The following ZNF69 variants were observed in gnomAD, a reference collection of about 807,000 sequenced individuals.
ZNF69 encodes the protein zinc finger protein 69.
Under a neutral mutation model 50.9 loss-of-function variants are expected in ZNF69, and 47 were observed. The observed-to-expected ratio is 0.92, with a 90% confidence interval of 0.73 to 1.18. The LOEUF (loss-of-function observed/expected upper bound fraction) is 1.18, where lower values mean the gene tolerates loss of function less well. Ranked by LOEUF, ZNF69 falls within the 50% of genes most tolerant of loss-of-function variation. ZNF69 has a pLI of 0.00. For missense variants in ZNF69, 717 were observed against 675.1 expected, an observed-to-expected ratio of 1.06 and a Z score of -0.69; for synonymous variants, 216 against 223.1, an observed-to-expected ratio of 0.97 and a Z score of 0.29.
chr19:11,967,961 T>C, the ZNF69 span, among the ~76,000 whole-genome samples: 2 of 152,184 alleles, frequency 1.3e-5, no homozygotes, highest in Non-Finnish European at 2.9e-5. Flanking sequence ...ATAACTATAA[T>C]TATCTTGAAA....
intron 1 of ZNF69, among the ~76,000 whole-genome samples, chr19:11,895,771 C>T: frequency 1.3e-5 from 2 of 152,256 alleles, no homozygotes; most frequent in South Asian, 4.1e-4. Flanking sequence ...AGAGGCAACT[C>T]TAGAATTAAT....
chr19:11,931,582 T>C, the ZNF69 span, among the ~76,000 whole-genome samples: 2 of 148,172 alleles, frequency 1.3e-5, no homozygotes, highest in South Asian at 2.1e-4. Flanking sequence ...ATTTCAGTCT[T>C]TAGAAGTACC....
At chr19:11,924,079 G>A in the ZNF69 span, among the ~76,000 whole-genome samples, 53 of 152,270 alleles carry the variant, frequency 3.5e-4, no homozygotes, top group Middle Eastern at 3.4e-3. Context: ...CTGTCTTCTG[G>A]GCAGGGTTTG....
chr19:11,931,251 A>G, the ZNF69 span, among the ~76,000 whole-genome samples: 1 of 148,012 alleles, frequency 6.8e-6, no homozygotes, highest in Admixed American at 6.6e-5. Flanking sequence ...CCATCTTCAG[A>G]GAGCTGGCAG....
chr19:11,979,232 C>G, the ZNF69 span: 939 of 1,612,152 alleles, frequency 5.8e-4, no homozygotes, highest in Non-Finnish European at 7.3e-4. Flanking sequence ...CTTTCCAGTT[C>G]CTTTCAGTAT....
downstream of ZNF69, among the ~76,000 whole-genome samples, chr19:11,906,743 A>T (rs141039381): frequency 0.015 from 2,311 of 152,370 alleles, 28 homozygotes; most frequent in Non-Finnish European, 0.025. Flanking sequence ...AGAAAAGCTG[A>T]AAATTCTAAA....
chr19:11,968,853 A>T, the ZNF69 span, among the ~76,000 whole-genome samples: 1 of 152,128 alleles, frequency 6.6e-6, no homozygotes, highest in African/African-American at 2.4e-5. Flanking sequence ...ACCCCATCTC[A>T]ATTGTGAAAA....
chr19:11,925,337 G>A, the ZNF69 span: 8 of 1,595,212 alleles, frequency 5.0e-6, no homozygotes, highest in Non-Finnish European at 6.8e-6. Flanking sequence ...GCGGGAACCG[G>A]CTGTGGCGGG....
At chr19:11,962,359 A>C in the ZNF69 span, among the ~76,000 whole-genome samples, 1 of 152,196 alleles carries the variant, frequency 6.6e-6, no homozygotes, top group African/African-American at 2.4e-5. Flanking sequence ...TACTGCCAGC[A>C]CTTGTTCAAT....
the ZNF69 span, among the ~76,000 whole-genome samples, chr19:11,963,775 C>G: frequency 6.6e-6 from 1 of 152,120 alleles, no homozygotes; most frequent in Non-Finnish European, 1.5e-5. Context: ...GGCCCTAGAT[C>G]CGCGCTGCTG....
At chr19:11,965,094 C>T in the ZNF69 span, 1 of 1,415,998 alleles carries the variant, frequency 7.1e-7, no homozygotes, top group Non-Finnish European at 9.9e-7. Flanking sequence ...TGTATCCATC[C>T]CCGAGAGGGA....
downstream of ZNF69, among the ~76,000 whole-genome samples, chr19:11,917,635 A>ATTTGTTTGTTTG (rs113207777): frequency 0.27 from 40,983 of 151,070 alleles, 6,172 homozygotes; most frequent in African/African-American, 0.38. Context: ...GAATTTATTT[A>ATTTGTTTGTTTG]TTTGTTTGTT....
chr19:11,905,419 T>A lies in ZNF69; in HGVS notation c.1022T>A (p.Leu341Ter). Residue 341 changes from leucine (L) to a stop codon, truncating the protein, a stop_gained, in exon 4 of 4, where the codon TTA becomes TAA. Transcript: ENST00000429654. LOFTEE classifies it high-confidence loss of function. ...GAATGTACGCAGTGTGGGAAAGCAT[T>A]ATCCTCTCTTACAAGTTTTCAAACA... Reference protein sequence around the residue: ...PYECTQCGKALSSLTSFQTHI... With the variant: ...PYECTQCGKA 6.2e-7 allele frequency: 1 copy of A among 1,614,194 alleles called. No homozygotes were observed. The highest frequency in any genetic ancestry group is 1.1e-5 in the South Asian group (1 of 91,084).
the ZNF69 span, among the ~76,000 whole-genome samples, chr19:11,962,683 A>AG: frequency 6.6e-6 from 1 of 152,174 alleles, no homozygotes. Context: ...TATATTTCAA[A>AG]GGGAGAACAT....
intron 1 of ZNF69, 54 bp downstream of exon 1, chr19:11,888,040 C>A: frequency 6.4e-7 from 1 of 1,565,382 alleles, no homozygotes; most frequent in Non-Finnish European, 8.8e-7. Flanking sequence ...CCTGGACCGA[C>A]CGGAACCGAC....
chr19:11,967,286 G>A, the ZNF69 span, among the ~76,000 whole-genome samples: 2 of 151,980 alleles, frequency 1.3e-5, no homozygotes, highest in Non-Finnish European at 2.9e-5. Context: ...CAGCCCAGCC[G>A]AGGACTCGCC....
Position 11,903,560 on chromosome 19 carries a change from T to C in ZNF69, c.64-13T>C. On this transcript the variant is annotated splice_polypyrimidine_tract_variant and intron_variant, in intron 1 of 3. Coordinates refer to ENST00000429654, the MANE Select transcript of ZNF69 (RefSeq NM_001364730.1). ...TCTCACCCATCCTCCTCTACACATGTGAGATGTTTCAGGACCCAGTGGCCT... is the reference window on the plus strand; with the variant it reads ...TCTCACCCATCCTCCTCTACACATGCGAGATGTTTCAGGACCCAGTGGCCT... The C allele has an allele frequency of 6.2e-6, 10 of 1,605,988 alleles. No homozygotes were observed. Among genetic ancestry groups the C allele is most frequent in the Non-Finnish European group, 8.5e-6 (10 of 1,172,754 alleles).
chr19:11,954,500 G>A, the ZNF69 span, among the ~76,000 whole-genome samples: 2 of 152,150 alleles, frequency 1.3e-5, no homozygotes, highest in African/African-American at 4.8e-5. Flanking sequence ...TTCGAGGCAT[G>A]AGCCACCATG....
At chr19:11,926,215 G>T in the ZNF69 span, among the ~76,000 whole-genome samples, 1 of 152,158 alleles carries the variant, frequency 6.6e-6, no homozygotes, top group Non-Finnish European at 1.5e-5. Flanking sequence ...TTGTAAGTTA[G>T]TATCTTCTTG....
Sources: allele counts gnomAD v4.1 joint callset (sites outside exome capture counted in the v4.1 genomes callset), GRCh38; gene constraint gnomAD v4.1.1; transcripts MANE v1.5; gene names NCBI Gene and HGNC (gene_info 2026-07-23, HGNC 2026-07-21).